ADAMTS14: variants seen among roughly 807,000 people sequenced by gnomAD.
ADAMTS14 encodes ADAM metallopeptidase with thrombospondin type 1 motif 14.
In ADAMTS14, 100 loss-of-function variants were observed where a neutral mutation model predicts 128.6. The observed-to-expected ratio is 0.78, with a 90% CI of 0.66 to 0.92. ADAMTS14 has a LOEUF of 0.92. Ranked by LOEUF, ADAMTS14 falls within the 40% of genes least tolerant of loss-of-function variation. The pLI is 0.00. For missense variants in ADAMTS14, 1,562 were observed against 1,658.6 expected, an observed-to-expected ratio of 0.94 and a Z score of 1.01; for synonymous variants, 665 against 653.8, an observed-to-expected ratio of 1.02 and a Z score of -0.26.
chr10:70,712,224 C>G (rs915282534), intron 4 of ADAMTS14, among the ~76,000 whole-genome samples: 3 of 151,766 alleles, frequency 2.0e-5, no homozygotes, highest in African/African-American at 7.3e-5. Flanking sequence ...GCCCCTGGAG[C>G]CAGCAGGTGG....
At chr10:70,710,046 G>T (rs1363718879) in intron 4 of ADAMTS14, among the ~76,000 whole-genome samples, 4 of 152,224 alleles carry the variant, frequency 2.6e-5, no homozygotes, top group Non-Finnish European at 5.9e-5. Flanking sequence ...GTGCAGGCAG[G>T]GGCCAGATGC....
At chr10:70,727,739 A>ACCATGTTGG (rs1249024818) in intron 4 of ADAMTS14, among the ~76,000 whole-genome samples, 1 of 152,126 alleles carries the variant, frequency 6.6e-6, no homozygotes, top group East Asian at 1.9e-4. Flanking sequence ...CACATCCCTG[A>ACCATGTTGG]TGGCGGCAGT....
chr10:70,744,036 T>C, intron 13 of ADAMTS14, 30 bp from the exon 14 acceptor site: 1 of 1,551,962 alleles, frequency 6.4e-7, no homozygotes, highest in Non-Finnish European at 8.7e-7. Flanking sequence ...CAGGGGAGCC[T>C]CCTCCCACTG....
At chr10:70,745,621 G>A (rs1842155040) in intron 15 of ADAMTS14, among the ~76,000 whole-genome samples, 1 of 152,186 alleles carries the variant, frequency 6.6e-6, no homozygotes, top group Non-Finnish European at 1.5e-5. Context: ...GGCTGTTAAA[G>A]GAAAGCCATG....
chr10:70,700,445 C>T (rs1253773355), intron 2 of ADAMTS14, among the ~76,000 whole-genome samples: 2 of 152,132 alleles, frequency 1.3e-5, no homozygotes, highest in Non-Finnish European at 2.9e-5. Context: ...CTGGATGGGA[C>T]TGTGAAGGGA....
In ADAMTS14 at chr10:70,761,885, G is replaced by A. The variant is rs924527436; in HGVS notation, c.*1032G>A. Reference sequence around the variant, plus strand: ...GGGGTGGTTGGACCCCAGGACTGAGGACCAGAGTCCACTCATAGCCTGGCC... The same window carrying A: ...GGGGTGGTTGGACCCCAGGACTGAGAACCAGAGTCCACTCATAGCCTGGCC... On this transcript the variant is annotated 3_prime_UTR_variant, in exon 22 of 22. Coordinates refer to ENST00000373207, the MANE Select transcript of ADAMTS14 (RefSeq NM_080722.4). 6.6e-6 allele frequency: 1 copy of A among 152,456 alleles called. No individual in the cohort carries two copies. Among genetic ancestry groups the A allele is most frequent in the Admixed American group, 6.5e-5 (1 of 15,284 alleles). 9.4% of individuals were successfully genotyped at this position (152,456 alleles called of 1,614,324 possible).
intron 2 of ADAMTS14, among the ~76,000 whole-genome samples, chr10:70,701,012 A>C (rs1163035138): frequency 7.9e-5 from 12 of 152,232 alleles, no homozygotes; most frequent in Admixed American, 7.9e-4. Flanking sequence ...GTCCCTGGGA[A>C]CATTTCTTGG....
At chr10:70,687,975 C>G (rs1475848169) in intron 2 of ADAMTS14, among the ~76,000 whole-genome samples, 5 of 48,428 alleles carry the variant, frequency 1.0e-4, no homozygotes, top group Non-Finnish European at 2.0e-4. Context: ...ACCCCCCCCC[C>G]GACCTCCCTC....
intron 21 of ADAMTS14, 72 bp from the exon 22 acceptor site, chr10:70,760,288 G>T (rs932798770): frequency 1.3e-6 from 2 of 1,498,468 alleles, no homozygotes; most frequent in Non-Finnish European, 1.8e-6. Context: ...GTGGGTAAGT[G>T]GGAGGGGGGG....
rs745818058 is a variant in ADAMTS14, at chr10:70,739,005, C to T, written c.1748+15C>T. The T allele has an allele frequency of 6.3e-6, 10 of 1,590,940 alleles. No individual in the cohort carries two copies. The East Asian group carries it at 1.8e-4, about 29-fold the overall frequency. ...AACAACCCCTCGTGAGTGTGCTTGG[C>T]TAGGGTGGGGAGGGCAGGGAGTCCC... is the stretch of plus-strand genomic sequence containing the variant. On this transcript the variant is annotated intron_variant, in intron 11 of 21. Coordinates refer to ENST00000373207, the MANE Select transcript of ADAMTS14 (RefSeq NM_080722.4).
chr10:70,729,209 A>G, intron 4 of ADAMTS14, 85 bp from the exon 5 acceptor site: 1 of 1,146,322 alleles, frequency 8.7e-7, no homozygotes, highest in Middle Eastern at 2.0e-4. Context: ...GGGATACCAT[A>G]TGTTAGGTAC....
chr10:70,744,313 T>C, intron 14 of ADAMTS14, 124 bp downstream of exon 14: 1 of 1,304,590 alleles, frequency 7.7e-7, no homozygotes, highest in Non-Finnish European at 9.9e-7. Context: ...CTGGGGCCCA[T>C]CTCCAGGCCT....
chr10:70,718,454 C>A (rs1336430472), intron 4 of ADAMTS14, among the ~76,000 whole-genome samples: 4 of 152,082 alleles, frequency 2.6e-5, no homozygotes, highest in Admixed American at 6.5e-5. Context: ...GTGGTGCGAT[C>A]TCGGCTCACT....
chr10:70,726,216 A>C (rs563229088), intron 4 of ADAMTS14, among the ~76,000 whole-genome samples: 2 of 152,364 alleles, frequency 1.3e-5, no homozygotes, highest in East Asian at 3.9e-4. Flanking sequence ...CCCCCTGCCC[A>C]GTCCCACTGT....
intron 4 of ADAMTS14, among the ~76,000 whole-genome samples, chr10:70,721,484 C>T (rs1183113177): frequency 1.3e-5 from 2 of 151,870 alleles, no homozygotes; most frequent in Non-Finnish European, 2.9e-5. Context: ...CTCCCAGGTT[C>T]ACGCCATTCT....
intron 13 of ADAMTS14, 29 bp downstream of exon 13, chr10:70,743,710 C>T: frequency 6.5e-7 from 1 of 1,543,734 alleles, no homozygotes; most frequent in Non-Finnish European, 8.7e-7. Context: ...ACCCCGACTA[C>T]CGGCACAGGG....
chr10:70,755,695 A>G (rs1842464732), intron 19 of ADAMTS14, among the ~76,000 whole-genome samples: 1 of 152,154 alleles, frequency 6.6e-6, no homozygotes, highest in Admixed American at 6.5e-5. Context: ...AAATGCAAAA[A>G]TTAGCCGGGT....
intron 2 of ADAMTS14, among the ~76,000 whole-genome samples, chr10:70,680,361 C>T (rs1839766643): frequency 6.6e-6 from 1 of 152,098 alleles, no homozygotes; most frequent in Admixed American, 6.5e-5. Flanking sequence ...GCCAAGATTG[C>T]ACCACTGCAC....
intron 3 of ADAMTS14, among the ~76,000 whole-genome samples, chr10:70,706,707 GT>G (rs1472840674): frequency 3.3e-5 from 5 of 152,232 alleles, no homozygotes; most frequent in Non-Finnish European, 5.9e-5. Context: ...GTGGCCACAC[GT>G]TTTTCCAGCT....
Sources: gnomAD v4.1 joint callset for allele counts (sites outside exome capture counted in the v4.1 genomes callset) on GRCh38, gnomAD v4.1.1 for gene constraint, MANE v1.5 for transcripts, NCBI Gene and HGNC (gene_info 2026-07-23, HGNC 2026-07-21) for gene names.